The following DNAH11 variants were observed in gnomAD, a reference collection of about 807,000 sequenced individuals.
DNAH11 encodes the protein axonemal beta dynein heavy chain 11.
Under a neutral mutation model 526.0 loss-of-function variants are expected in DNAH11, and 442 were observed. That is an observed-to-expected ratio of 0.84 (90% confidence interval 0.78 to 0.91). The LOEUF (loss-of-function observed/expected upper bound fraction) is 0.91. DNAH11 is among the 40% of genes least tolerant of loss of function. The probability of loss-of-function intolerance (pLI) is 0.00; values close to 1 mark genes in which losing one functional copy is unlikely to be tolerated. For synonymous variants in DNAH11, 2,461 were observed against 1,935.9 expected (o/e 1.27, Z -7.12); for missense variants, 6,989 against 5,448.7 (o/e 1.28, Z -8.90).
rs146317227 is a variant in DNAH11, at chr7:21,579,617, A to T, written c.1594-2288A>T. The stretch of plus-strand genomic sequence containing the variant: ...ATCTGAGAGTGTGAAATTGGGAGAG[A>T]TGGCAGAATAGTTAGGAGCAGTAAG... On this transcript the variant is annotated intron_variant, in intron 8 of 81. Coordinates refer to ENST00000409508, the MANE Select transcript of DNAH11 (RefSeq NM_001277115.2). Among the ~76,000 whole-genome samples the T allele has an allele frequency of 1.5e-3, 226 of 152,258 alleles. 5 individuals carry two copies. In the East Asian group the frequency reaches 0.034, roughly 23 times the overall value.
intron 48 of DNAH11, 74 bp downstream of exon 48, chr7:21,739,747 T>C: frequency 8.7e-7 from 1 of 1,147,890 alleles, no homozygotes; most frequent in South Asian, 1.5e-5. Context: ...TTAGGATTCC[T>C]ATGGGACATC....
Position 21,816,626 on chromosome 7 carries a change from C to T in DNAH11, c.10492C>T (p.Pro3498Ser). The change falls in exon 64 of 82, where the codon CCC (proline) becomes TCC (serine). Residue 3498 changes from proline to serine, a missense_variant. Transcript: ENST00000409508. ...TGAGCGCTGGCCTCTGGTGATAGAT[C>T]CCCAGCAACAGGGAATTAAGTGGAT... Reference protein sequence around the residue: ...HCERWPLVIDPQQQGIKWIKN... With the variant: ...HCERWPLVIDSQQQGIKWIKN... The T allele has an allele frequency of 1.2e-6, 2 of 1,613,602 alleles. No homozygotes were observed. Among genetic ancestry groups the T allele is most frequent in the Admixed American group, 1.7e-5 (1 of 59,934 alleles).
At chr7:21,700,854 C>A (rs1784025234) in intron 36 of DNAH11, among the ~76,000 whole-genome samples, 1 of 152,052 alleles carries the variant, frequency 6.6e-6, no homozygotes, top group African/African-American at 2.4e-5. Context: ...CAAACTAATA[C>A]AGGAATAAGA....
chr7:21,560,014 A>G (rs530628496), intron 4 of DNAH11, among the ~76,000 whole-genome samples: 1 of 152,304 alleles, frequency 6.6e-6, no homozygotes, highest in African/African-American at 2.4e-5. Context: ...ATGATTGGAA[A>G]TATTGTGCTA....
At chr7:21,723,225 G>A (rs1164214099) in intron 44 of DNAH11, among the ~76,000 whole-genome samples, 1 of 152,296 alleles carries the variant, frequency 6.6e-6, no homozygotes, top group East Asian at 1.9e-4. Context: ...GCTTTTCATA[G>A]GGCACCTCAT....
intron 36 of DNAH11, 38 bp downstream of exon 36, chr7:21,698,251 A>G: frequency 6.2e-7 from 1 of 1,607,406 alleles, no homozygotes; most frequent in Middle Eastern, 1.7e-4. Flanking sequence ...GTTTTTACAT[A>G]CCATTGAAAA....
chr7:21,851,793 C>T (rs762576252), intron 66 of DNAH11, among the ~76,000 whole-genome samples: 1 of 152,136 alleles, frequency 6.6e-6, no homozygotes, highest in Non-Finnish European at 1.5e-5. Context: ...CCTCCGTTCT[C>T]TGATGTATGT....
chr7:21,863,550 T>C (rs1009250943), intron 69 of DNAH11, among the ~76,000 whole-genome samples: 1 of 152,134 alleles, frequency 6.6e-6, no homozygotes. Context: ...ATGGTCTTGA[T>C]CTCTTGACCT....
At chr7:21,615,880 T>G (rs1027497205) in intron 21 of DNAH11, among the ~76,000 whole-genome samples, 11 of 152,338 alleles carry the variant, frequency 7.2e-5, no homozygotes, top group Middle Eastern at 3.4e-3. Flanking sequence ...TTTAGTTACA[T>G]GTAGAATTAT....
chr7:21,765,609 G>GTC lies in DNAH11; in HGVS notation c.9102+21_9102+22dup, dbSNP rs200306386. The GTC allele has an allele frequency of 1.8e-3, 1,902 of 1,046,718 alleles. 21 individuals carry two copies. In the African/African-American group the frequency reaches 0.025, roughly 13 times the overall value. 64.8% of individuals were successfully genotyped at this position (1,046,718 alleles called of 1,614,324 possible). A position where few individuals can be genotyped will look rare whatever the true frequency, so the allele number is the denominator to read the frequency against. On this transcript the variant is annotated intron_variant, in intron 55 of 81. Coordinates refer to ENST00000409508, the MANE Select transcript of DNAH11 (RefSeq NM_001277115.2). ...ATTGAGGTATGCCGTGTCAGCCTGC[G>GTC]TCACACACACACACACACACACACA...
intron 62 of DNAH11, among the ~76,000 whole-genome samples, chr7:21,805,235 T>C (rs952419578): frequency 5.3e-5 from 8 of 152,232 alleles, no homozygotes; most frequent in Non-Finnish European, 8.8e-5. Flanking sequence ...CATTTTTTGA[T>C]AGCATTTATT....
chr7:21,726,209 G>A lies in DNAH11; in HGVS notation c.7440+225G>A, dbSNP rs2074763. Among the ~76,000 whole-genome samples the A allele has an allele frequency of 0.61, 91,910 of 151,898 alleles. 27,888 individuals are homozygous for A. Among genetic ancestry groups the A allele is most frequent in the South Asian group, 0.71 (3,435 of 4,814 alleles). On this transcript the variant is annotated intron_variant, in intron 45 of 81. Coordinates refer to ENST00000409508, the MANE Select transcript of DNAH11 (RefSeq NM_001277115.2). ...ACTTGGCCAAAGGGGAAACAAGAGA[G>A]AGTGAGGGGGGAGGTGCTGCACACT...
chr7:21,880,165 C>G (rs547506714), intron 74 of DNAH11, among the ~76,000 whole-genome samples: 17 of 151,846 alleles, frequency 1.1e-4, no homozygotes, highest in Middle Eastern at 3.4e-3. Context: ...AGCAAATGAC[C>G]TGGAAGTTAT....
Position 21,588,598 on chromosome 7 carries a change from T to C in DNAH11, c.1935T>C (p.Leu645=), listed in dbSNP as rs1784558516. The C allele has an allele frequency of 6.2e-7, 1 of 1,613,628 alleles. No individual in the cohort carries two copies. Among genetic ancestry groups the C allele is most frequent in the Admixed American group, 1.7e-5 (1 of 60,006 alleles). The part of the protein sequence containing the change: ...MKWAQQVLQR[L]QMFWSNFASL... ...GGGCCCAGCAGGTTCTCCAACGACT[T>C]CAAATGTTTTGGTCAAACTTCGCAT... is the stretch of plus-strand genomic sequence containing the variant. Residue 645 remains leucine, a synonymous_variant, in exon 11 of 82, where the codon CTT becomes CTC. Coordinates refer to ENST00000409508, the MANE Select transcript of DNAH11 (RefSeq NM_001277115.2).
chr7:21,853,253 A>G (rs989248949), intron 67 of DNAH11, among the ~76,000 whole-genome samples: 1 of 152,158 alleles, frequency 6.6e-6, no homozygotes, highest in South Asian at 2.1e-4. Flanking sequence ...TTAAAATGCC[A>G]TTGTTTCAGT....
At chr7:21,875,413 G>A (rs1022527306) in intron 74 of DNAH11, among the ~76,000 whole-genome samples, 4 of 151,882 alleles carry the variant, frequency 2.6e-5, no homozygotes, top group East Asian at 1.9e-4. Flanking sequence ...TTTTTTGTTC[G>A]TTTGTTTGTT....
At chr7:21,614,325 A>G (rs568416539) in intron 20 of DNAH11, among the ~76,000 whole-genome samples, 3 of 152,332 alleles carry the variant, frequency 2.0e-5, no homozygotes, top group Admixed American at 1.3e-4. Context: ...AACGTGATCA[A>G]TCAACAAAGA....
At position 21,595,526 on chromosome 7, in the gene DNAH11, A is replaced by G. The variant is rs994302892; in HGVS notation, c.2667+3949A>G. On this transcript the variant is annotated intron_variant, in intron 14 of 81. Coordinates refer to ENST00000409508, the MANE Select transcript of DNAH11 (RefSeq NM_001277115.2). The stretch of plus-strand genomic sequence containing the variant: ...GTGGAGCACGAAAGAAAGACACGTT[A>G]AAGATTATTCTACACATTTTGTCAT... Among the ~76,000 whole-genome samples, 17 of 152,230 alleles carry G rather than the reference A, an allele frequency of 1.1e-4. 1 individual carries two copies. Among genetic ancestry groups the G allele is most frequent in the Non-Finnish European group, 5.9e-5 (4 of 68,054 alleles).
chr7:21,744,581 T>C lies in DNAH11; in HGVS notation c.8298T>C (p.Thr2766=), dbSNP rs1264210395. ...TGTTTCAGAGAAGAATGCTGGAAAC[T>C]GCTTATAAATATTTTGAAGTAAGCG... ...CDLFQRRMLE[T]AYKYFEGIDS... Residue 2766 remains threonine, a synonymous_variant, in exon 50 of 82, where the codon ACT becomes ACC. Coordinates refer to ENST00000409508, the MANE Select transcript of DNAH11 (RefSeq NM_001277115.2). 1.9e-6 allele frequency: 3 copies of C among 1,613,124 alleles called. No homozygotes were observed. The highest frequency in any genetic ancestry group is 2.5e-6 in the Non-Finnish European group (3 of 1,179,710).
Sources: gnomAD v4.1 joint callset for allele counts (sites outside exome capture counted in the v4.1 genomes callset) on GRCh38, gnomAD v4.1.1 for gene constraint, MANE v1.5 for transcripts, NCBI Gene and HGNC (gene_info 2026-07-23, HGNC 2026-07-21) for gene names.